COL5A3: variants seen among roughly 807,000 people sequenced by gnomAD.
The protein encoded by COL5A3 is collagen type V alpha 3 chain, also known as collagen alpha-3(V) chain.
Under a neutral mutation model 250.0 loss-of-function variants are expected in COL5A3, and 172 were observed. The observed-to-expected ratio is 0.69, with a 90% CI of 0.61 to 0.78. The LOEUF is 0.78. Ranked by LOEUF, COL5A3 falls within the 30% of genes least tolerant of loss-of-function variation. The pLI is 0.00. For missense variants in COL5A3, 2,340 were observed against 2,334.4 expected (o/e 1.00, Z -0.05); for synonymous variants, 937 against 900.4 (o/e 1.04, Z -0.73).
chr19:9,972,331 GTTCAT>G (rs1568409638), intron 51 of COL5A3, among the ~76,000 whole-genome samples: 2 of 82,392 alleles, frequency 2.4e-5, no homozygotes, highest in Non-Finnish European at 4.9e-5. Flanking sequence ...TCACTCACTC[GTTCAT>G]CCATTCACTC....
intron 1 of COL5A3, among the ~76,000 whole-genome samples, chr19:10,008,857 T>C (rs577589309): frequency 4.6e-5 from 7 of 152,034 alleles, no homozygotes; most frequent in African/African-American, 1.7e-4. Context: ...TGTGACCCAG[T>C]GGGTGAGTGG....
chr19:10,006,705 C>T (rs1174500487), intron 1 of COL5A3, among the ~76,000 whole-genome samples: 1 of 151,910 alleles, frequency 6.6e-6, no homozygotes, highest in African/African-American at 2.4e-5. Flanking sequence ...TGACCACCAT[C>T]ACCCACAACC....
At position 9,997,355 on chromosome 19, in the gene COL5A3, A is replaced by C. The variant is rs1310716233; in HGVS notation, c.1263+16T>G. 1.4e-5 allele frequency: 22 copies of C among 1,598,162 alleles called. No individual in the cohort carries two copies. The highest frequency in any genetic ancestry group is 1.9e-5 in the Non-Finnish European group (22 of 1,169,230). On this transcript the variant is annotated intron_variant, in intron 11 of 66. Coordinates refer to ENST00000264828, the MANE Select transcript of COL5A3 (RefSeq NM_015719.4). ...CACTCCTCTGAGAAGTGTACACCCC[A>C]GTGGGAGTCTCTTACCGGTGGACCA...
In COL5A3 at chr19:9,985,893, G is replaced by A; in HGVS notation, c.2355C>T (p.Gly785=). ...EGPPGSAGEK[G]KLGVPGLPGY... ...CTGGGAGGCCTGGCACCCCAAGCTT[G>A]CCCTGCAGAAAGGTTATGGGACAAA... Residue 785 remains glycine, a splice_region_variant and synonymous_variant, in exon 31 of 67, where the codon GGC becomes GGT. Transcript: ENST00000264828. 1 of 1,613,968 alleles carries A rather than the reference G, an allele frequency of 6.2e-7. No homozygotes were observed. Among genetic ancestry groups the A allele is most frequent in the Non-Finnish European group, 8.5e-7 (1 of 1,179,952 alleles).
rs563394056 is a variant in COL5A3 at position 9,989,348 on chromosome 19, C to T, written c.2065G>A (p.Gly689Ser). 2.7e-5 allele frequency: 44 copies of T among 1,614,066 alleles called. No individual in the cohort carries two copies. Among genetic ancestry groups the T allele is most frequent in the Non-Finnish European group, 3.3e-5 (39 of 1,180,018 alleles). Residue 689 changes from glycine (G) to serine (S), a missense_variant, in exon 26 of 67, where the codon GGC becomes AGC. This residue lies in a region of COL5A3 where 1,152 missense variants were observed against 1,146.3 expected (regional missense o/e 1.00). Transcript: ENST00000264828. ...DGPLGHPGHEGPTGEKGAQGP... is the reference protein window; with the variant it reads ...DGPLGHPGHESPTGEKGAQGP... ...TGAGCCCCTTTCTCTCCCGTGGGGCCCTCATGTCCTGGGTGACCCTGGGGA... is the reference window on the plus strand; with the variant it reads ...TGAGCCCCTTTCTCTCCCGTGGGGCTCTCATGTCCTGGGTGACCCTGGGGA...
At chr19:9,992,948 T>C in intron 20 of COL5A3, 68 bp from the exon 21 acceptor site, 3 of 1,607,304 alleles carry the variant, frequency 1.9e-6, no homozygotes, top group Non-Finnish European at 2.6e-6. Context: ...AGGGGTCCTA[T>C]GAGTCCTGGG....
chr19:9,977,374 T>C lies in COL5A3; in HGVS notation c.3225A>G (p.Glu1075=). The C allele has an allele frequency of 6.3e-7, 1 of 1,591,042 alleles. No individual in the cohort carries two copies. The highest frequency in any genetic ancestry group is 8.6e-7 in the Non-Finnish European group (1 of 1,165,038). Residue 1075 remains glutamate (E), a synonymous_variant, in exon 43 of 67, where the codon GAA becomes GAG. Coordinates refer to ENST00000264828, the MANE Select transcript of COL5A3 (RefSeq NM_015719.4). ...PPGAAGPSGE[E]GDKGDVGAPG... ...TCTGTGAACCCCTCACCTTGTCCCC[T>C]TCCTCGCCAGAAGGCCCAGCAGCTC...
intron 1 of COL5A3, 91 bp from the exon 2 acceptor site, chr19:10,006,322 T>A (rs950400047): frequency 2.3e-6 from 3 of 1,278,024 alleles, no homozygotes; most frequent in Admixed American, 5.5e-5. Flanking sequence ...AGGGTTTTTT[T>A]AGGGGGCTCA....
At chr19:9,980,518 C>T (rs1446187283) in intron 35 of COL5A3, 130 bp downstream of exon 35, 18 of 1,340,816 alleles carry the variant, frequency 1.3e-5, no homozygotes, top group Non-Finnish European at 1.8e-5. Flanking sequence ...TGCACCACCA[C>T]ACCCAATTAA....
Position 10,005,978 on chromosome 19 carries a change from G to A in COL5A3, c.255C>T (p.His85=), listed in dbSNP as rs114297586. 368 of 1,613,272 alleles carry A rather than the reference G, an allele frequency of 2.3e-4. No individual in the cohort carries two copies. In the African/African-American group the frequency reaches 4.6e-3, roughly 20 times the overall value. Residue 85 remains histidine, a synonymous_variant, in exon 3 of 67, where the codon CAC becomes CAT. Coordinates refer to ENST00000264828, the MANE Select transcript of COL5A3 (RefSeq NM_015719.4). The part of the protein sequence containing the change: ...IPTWELFPEG[H]FPENFSLLIT... ...TCAGCAAGGAGAAGTTCTCAGGAAA[G>A]TGGCCTTCTGGGTGGGCAGAGGGAA...
At chr19:10,008,955 C>T (rs2087483152) in intron 1 of COL5A3, among the ~76,000 whole-genome samples, 1 of 151,996 alleles carries the variant, frequency 6.6e-6, no homozygotes, top group South Asian at 2.1e-4. Flanking sequence ...GTCATAAAAG[C>T]TGGGACCATT....
At position 9,971,303 on chromosome 19, in the gene COL5A3, C is replaced by A. The variant is rs1472217992; in HGVS notation, c.3775-45G>T. On this transcript the variant is annotated intron_variant, in intron 51 of 66. Coordinates refer to ENST00000264828, the MANE Select transcript of COL5A3 (RefSeq NM_015719.4). ...ATAATCACATCTCTGAATTGTGGAG[C>A]AATCATGCATTTATGGAACAGATCA... 2.8e-6 allele frequency: 4 copies of A among 1,432,476 alleles called. No homozygotes were observed. The South Asian group carries it at 5.2e-5, about 19-fold the overall frequency. The allele number at this position is 1,432,476 out of a possible 1,614,324, so 88.7% of individuals were successfully genotyped here.
intron 33 of COL5A3, 52 bp downstream of exon 33, chr19:9,981,036 C>G: frequency 6.3e-7 from 1 of 1,591,854 alleles, no homozygotes; most frequent in South Asian, 1.1e-5. Flanking sequence ...CTTTCCTTCC[C>G]AGCCCTGTCC....
chr19:9,974,276 G>GCCA, intron 46 of COL5A3, 25 bp downstream of exon 46: 2 of 1,610,380 alleles, frequency 1.2e-6, no homozygotes, highest in Non-Finnish European at 1.7e-6. Flanking sequence ...AATCAGAAGT[G>GCCA]CCACCCCCAA....
Position 9,978,955 on chromosome 19 carries a change from A to T in COL5A3, c.2900T>A (p.Leu967His). Reference protein sequence around the residue: ...AKGELGPPGPLGKEGPAGLRG... With the variant: ...AKGELGPPGPHGKEGPAGLRG... ...GAGTCCAGCTGGCCCTTCTTTCCCA[A>T]GGGGTCCTGGTGGTCCCAGTTCCCC... Residue 967 changes from leucine to histidine, a missense_variant, in exon 40 of 67, where the codon CTT (leucine) becomes CAT (histidine). Leu to His is a moderately conservative substitution (Grantham distance 99). Around this residue, in one of 3 missense-constraint regions of COL5A3, gnomAD observed 1,179 missense variants for 1,162.6 expected, o/e 1.01. Coordinates refer to ENST00000264828, the MANE Select transcript of COL5A3 (RefSeq NM_015719.4). The T allele has an allele frequency of 6.5e-7, 1 of 1,533,746 alleles. No individual in the cohort carries two copies. Among genetic ancestry groups the T allele is most frequent in the Non-Finnish European group, 8.7e-7 (1 of 1,143,468 alleles).
chr19:9,971,720 C>T (rs1052649656), intron 51 of COL5A3, among the ~76,000 whole-genome samples: 1 of 152,188 alleles, frequency 6.6e-6, no homozygotes, highest in African/African-American at 2.4e-5. Context: ...GGGCCTCAAC[C>T]TTCACCTCAA....
In COL5A3 at chr19:10,009,476, C is replaced by T. The variant is rs1241417437; in HGVS notation, c.88+822G>A. Among the ~76,000 whole-genome samples, 1 of 151,776 alleles carries T rather than the reference C, an allele frequency of 6.6e-6. No homozygotes were observed. Among genetic ancestry groups the T allele is most frequent in the East Asian group, 1.9e-4 (1 of 5,160 alleles). ...TCCTCGGGAAAAACACCCAAGGCTC[C>T]AGCAGCTGGGGTGGGGAGGGGGGGA... On this transcript the variant is annotated intron_variant, in intron 1 of 66. Transcript: ENST00000264828. The surrounding 1 kb of genome is among the most constrained non-coding windows in gnomAD (Gnocchi z 4.4).
chr19:9,980,842 C>G lies in COL5A3; in HGVS notation c.2523G>C (p.Arg841Ser). Reference protein sequence around the residue: ...ERGPPGSRGERGQPGATGQPG... With the variant: ...ERGPPGSRGESGQPGATGQPG... ...GTTGCCCTGTGGCACCCGGTTGCCC[C>G]CTCTCTCCACGGGAACCCTGAACAA... is the stretch of plus-strand genomic sequence containing the variant. Residue 841 changes from arginine to serine, a missense_variant, in exon 34 of 67, where the codon AGG (arginine) becomes AGC (serine). This residue lies in a region of COL5A3 where 1,152 missense variants were observed against 1,146.3 expected (regional missense o/e 1.00). Transcript: ENST00000264828. The G allele has an allele frequency of 6.2e-7, 1 of 1,611,440 alleles. No individual in the cohort carries two copies. The highest frequency in any genetic ancestry group is 1.3e-5 in the African/African-American group (1 of 74,870).
At chr19:9,969,430 G>A (rs1047766998) in intron 56 of COL5A3, 28 bp from the exon 57 acceptor site, 2 of 1,604,580 alleles carry the variant, frequency 1.2e-6, no homozygotes, top group African/African-American at 2.7e-5. Flanking sequence ...CATGGGGTGG[G>A]CTGCACCCTG....
Sources: allele counts gnomAD v4.1 joint callset (sites outside exome capture counted in the v4.1 genomes callset), GRCh38; gene constraint gnomAD v4.1.1; regional missense constraint gnomAD v4.1.1; non-coding constraint Gnocchi (gnomAD v3.1); transcripts MANE v1.5; gene names NCBI Gene and HGNC (gene_info 2026-07-23, HGNC 2026-07-21).